Variants in EIF2AK1 observed in about 807,000 individuals in gnomAD.
EIF2AK1 encodes the protein eukaryotic translation initiation factor 2-alpha kinase 1.
EIF2AK1 carries 54 observed loss-of-function variants against 77.9 expected under a neutral mutation model. That is an observed-to-expected ratio of 0.69 (90% confidence interval 0.56 to 0.87). The LOEUF is 0.87. EIF2AK1 is among the 40% of genes least tolerant of loss of function. The pLI is 0.00. For missense variants in EIF2AK1, 810 were observed against 768.6 expected, an observed-to-expected ratio of 1.05 and a Z score of -0.64; for synonymous variants, 314 against 290.5, an observed-to-expected ratio of 1.08 and a Z score of -0.82.
intron 14 of EIF2AK1, 140 bp from the exon 15 acceptor site, chr7:6,024,941 C>A: frequency 1.8e-6 from 1 of 563,220 alleles, no homozygotes; most frequent in Non-Finnish European, 2.8e-6. Flanking sequence ...CCAGTTCAAG[C>A]TATTCTCGTG....
At chr7:6,055,676 T>TA (rs34819894) in intron 1 of EIF2AK1, among the ~76,000 whole-genome samples, 1,655 of 116,180 alleles carry the variant, frequency 0.014, 10 homozygotes, top group African/African-American at 0.022. Context: ...ACTAAACAGG[T>TA]AAAAAAAAAA....
Position 6,023,251 on chromosome 7 carries a change from C to A in EIF2AK1, c.*1422G>T, listed in dbSNP as rs1787567578. The A allele has an allele frequency of 7.2e-6, 11 of 1,525,792 alleles. 1 individual carries two copies. The South Asian group carries it at 1.4e-4, about 20-fold the overall frequency. 94.5% of individuals were successfully genotyped at this position (1,525,792 alleles called of 1,614,324 possible). ...TGTCCCCTTCCCCACTGTGCGAGTA[C>A]TTCCCTCAGGGCTGCTCTGGTGATG... On this transcript the variant is annotated 3_prime_UTR_variant, in exon 15 of 15. Transcript: ENST00000199389.
At chr7:6,049,048 C>T (rs890389377) in intron 3 of EIF2AK1, among the ~76,000 whole-genome samples, 6 of 152,112 alleles carry the variant, frequency 3.9e-5, no homozygotes, top group African/African-American at 1.2e-4. Context: ...AGACTGACGT[C>T]ACCTTCAAAA....
intron 1 of EIF2AK1, among the ~76,000 whole-genome samples, chr7:6,055,851 T>C (rs1236406044): frequency 2.0e-5 from 3 of 150,332 alleles, no homozygotes; most frequent in Non-Finnish European, 4.4e-5. Flanking sequence ...TGGTGGCGCA[T>C]GCCTGTAATC....
At chr7:6,049,885 AC>A in intron 3 of EIF2AK1, 26 bp downstream of exon 3, 1 of 1,586,156 alleles carries the variant, frequency 6.3e-7, no homozygotes, top group East Asian at 2.2e-5. Flanking sequence ...TTTTTGTCAT[AC>A]CCAAAGTATA....
At chr7:6,054,878 G>A (rs1210386717) in intron 1 of EIF2AK1, among the ~76,000 whole-genome samples, 174 bp from the exon 2 acceptor site, 2 of 152,162 alleles carry the variant, frequency 1.3e-5, no homozygotes, top group Non-Finnish European at 2.9e-5. Flanking sequence ...AAGTGAATTT[G>A]GAGCTGAATC....
At chr7:6,058,804 C>T (rs920574323) in intron 1 of EIF2AK1, among the ~76,000 whole-genome samples, 162 bp downstream of exon 1, 1 of 152,244 alleles carries the variant, frequency 6.6e-6, no homozygotes, top group African/African-American at 2.4e-5. Flanking sequence ...CGACGGCCCG[C>T]CCGCCGCCCC....
chr7:6,045,756 T>TATATATATA (rs1554321653), intron 6 of EIF2AK1, among the ~76,000 whole-genome samples: 4 of 147,850 alleles, frequency 2.7e-5, no homozygotes, highest in East Asian at 2.1e-4. Context: ...TATATATAAA[T>TATATATATA]TAGCCAGGCA....
In EIF2AK1 at chr7:6,032,487, C is replaced by A. The variant is rs1244484150; in HGVS notation, c.1333-3455G>T. 6.6e-6 allele frequency among the ~76,000 whole-genome samples: 1 copy of A among 152,210 alleles called. No individual in the cohort carries two copies. The highest frequency in any genetic ancestry group is 2.4e-5 in the African/African-American group (1 of 41,462). On this transcript the variant is annotated intron_variant, in intron 11 of 14. Coordinates refer to ENST00000199389, the MANE Select transcript of EIF2AK1 (RefSeq NM_014413.4). This position sits in a 1 kb window ranked among gnomAD's most constrained non-coding sequence, Gnocchi z 4.3. ...CGACACAGCACCTACTTGTCCATCA[C>A]CCTGTGGGTTAATTTAAGGAATAAG... is the stretch of plus-strand genomic sequence containing the variant.
chr7:6,039,584 G>A (rs1359376995), intron 9 of EIF2AK1, among the ~76,000 whole-genome samples: 1 of 131,004 alleles, frequency 7.6e-6, no homozygotes, highest in African/African-American at 3.0e-5. Context: ...TGGCACCATT[G>A]CACTCCAGCC....
At chr7:6,039,658 G>A (rs1405770684) in intron 9 of EIF2AK1, among the ~76,000 whole-genome samples, 1 of 146,058 alleles carries the variant, frequency 6.8e-6, no homozygotes, top group Non-Finnish European at 1.5e-5. Context: ...GGCTTGGTAG[G>A]ATGCAGTGGC....
intron 2 of EIF2AK1, among the ~76,000 whole-genome samples, chr7:6,051,783 TA>T (rs756020377): frequency 6.7e-6 from 1 of 150,042 alleles, no homozygotes; most frequent in Non-Finnish European, 1.5e-5. Context: ...CATTTGTTGC[TA>T]AAAAAAAAGA....
intron 3 of EIF2AK1, 65 bp downstream of exon 3, chr7:6,049,847 A>G: frequency 1.4e-6 from 2 of 1,442,828 alleles, no homozygotes; most frequent in Non-Finnish European, 1.9e-6. Flanking sequence ...AGTGCTTTAA[A>G]ATATAATTAT....
In EIF2AK1 at chr7:6,047,222, TGG is replaced by T. The variant is rs1788472457; in HGVS notation, c.450-133_450-132del. 3 of 966,536 alleles carry T rather than the reference TGG, an allele frequency of 3.1e-6. No homozygotes were observed. In the East Asian group the frequency reaches 7.8e-5, roughly 25 times the overall value. 59.9% of individuals were successfully genotyped at this position (966,536 alleles called of 1,614,324 possible). A position where few individuals can be genotyped will look rare whatever the true frequency, so the allele number is the denominator to read the frequency against. On this transcript the variant is annotated intron_variant, in intron 4 of 14. Coordinates refer to ENST00000199389, the MANE Select transcript of EIF2AK1 (RefSeq NM_014413.4). ...CTAAGCTGTGCTGATTTGGAAAGGA[TGG>T]GCTAAAATGAAATTTTTCATCCCTA...
chr7:6,026,729 T>C lies in EIF2AK1; in HGVS notation c.1763A>G (p.Asn588Ser). The C allele has an allele frequency of 6.2e-7, 1 of 1,612,736 alleles. No homozygotes were observed. Among genetic ancestry groups the C allele is most frequent in the Non-Finnish European group, 8.5e-7 (1 of 1,178,722 alleles). The change falls in exon 14 of 15, where the codon AAT (asparagine) becomes AGT (serine). Residue 588 changes from asparagine to serine, a missense_variant and splice_region_variant. Asn to Ser is a conservative substitution (Grantham distance 46). Coordinates refer to ENST00000199389, the MANE Select transcript of EIF2AK1 (RefSeq NM_014413.4). ...LQSELFQNSGNVNLTLQMKII... is the reference protein window; with the variant it reads ...LQSELFQNSGSVNLTLQMKII... The stretch of plus-strand genomic sequence containing the variant: ...ACCAAGAGAAAGAAAAGCACATACA[T>C]TTCCAGAATTTTGGAAAAGTTCACT...
intron 1 of EIF2AK1, among the ~76,000 whole-genome samples, chr7:6,056,628 A>ATATATGTATG (rs1554324727): frequency 0.045 from 3,446 of 75,870 alleles, 423 homozygotes; most frequent in African/African-American, 0.18. Flanking sequence ...ATATATATAT[A>ATATATGTATG]TATATATAAA....
At chr7:6,037,319 A>C in intron 11 of EIF2AK1, 105 bp downstream of exon 11, 1 of 733,996 alleles carries the variant, frequency 1.4e-6, no homozygotes, top group Non-Finnish European at 2.4e-6. Flanking sequence ...CCTCCTAAGC[A>C]AATGAACTAG....
intron 11 of EIF2AK1, among the ~76,000 whole-genome samples, chr7:6,030,165 A>G (rs1787865266): frequency 6.6e-6 from 1 of 152,194 alleles, no homozygotes; most frequent in Non-Finnish European, 1.5e-5. Context: ...AACAGGATGT[A>G]GAGGAGTCAG....
chr7:6,053,235 T>C (rs1176706753), intron 2 of EIF2AK1, among the ~76,000 whole-genome samples: 12 of 152,170 alleles, frequency 7.9e-5, no homozygotes, highest in Non-Finnish European at 2.9e-5. Context: ...TATATATTTA[T>C]GGGGGTACAT....
Sources: allele counts gnomAD v4.1 joint callset (sites outside exome capture counted in the v4.1 genomes callset), GRCh38; gene constraint gnomAD v4.1.1; non-coding constraint Gnocchi (gnomAD v3.1); transcripts MANE v1.5; gene names NCBI Gene and HGNC (gene_info 2026-07-23, HGNC 2026-07-21).